The following PLXNA4 variants were observed in gnomAD, a reference collection of about 807,000 sequenced individuals.
PLXNA4 encodes plexin-A4.
PLXNA4 carries 44 observed loss-of-function variants against 191.8 expected under a neutral mutation model. The observed-to-expected ratio is 0.23, with a 90% CI of 0.18 to 0.29. The LOEUF is 0.29. Ranked by LOEUF, PLXNA4 falls within the 10% of genes least tolerant of loss-of-function variation. PLXNA4 has a pLI of 1.00. For missense variants in PLXNA4, 1,800 were observed against 2,488.8 expected, an observed-to-expected ratio of 0.72 and a Z score of 5.89; for synonymous variants, 1,082 against 1,009.5, an observed-to-expected ratio of 1.07 and a Z score of -1.36.
chr7:132,379,218 G>T (rs1391489036), intron 3 of PLXNA4, among the ~76,000 whole-genome samples: 3 of 152,178 alleles, frequency 2.0e-5, no homozygotes, highest in African/African-American at 7.2e-5. Flanking sequence ...AGATATTCAA[G>T]TGGAGGCAGG....
intron 3 of PLXNA4, among the ~76,000 whole-genome samples, chr7:132,396,444 T>C (rs576128381): frequency 3.9e-5 from 6 of 152,164 alleles, no homozygotes; most frequent in Non-Finnish European, 8.8e-5. Flanking sequence ...ATGTCCAAGG[T>C]CGAACAACTG....
intron 4 of PLXNA4, among the ~76,000 whole-genome samples, chr7:132,269,961 C>T (rs540549711): frequency 1.3e-5 from 2 of 152,200 alleles, no homozygotes; most frequent in African/African-American, 2.4e-5. Context: ...CACAAAGAAA[C>T]GTGCTTGAGG....
chr7:132,296,095 C>T (rs933023542), intron 4 of PLXNA4, among the ~76,000 whole-genome samples: 5 of 152,122 alleles, frequency 3.3e-5, no homozygotes, highest in African/African-American at 7.2e-5. Flanking sequence ...AGACCAGTGT[C>T]GGCCCAGGTG....
chr7:132,634,752 C>T (rs871471), intron 2 of PLXNA4, among the ~76,000 whole-genome samples: 70,205 of 152,012 alleles, frequency 0.46, 16,613 homozygotes, highest in African/African-American at 0.54. Flanking sequence ...GTCTGGGACA[C>T]GTGGATGTGC....
chr7:132,203,129 C>T (rs56308169), intron 11 of PLXNA4, among the ~76,000 whole-genome samples, 194 bp downstream of exon 11: 4 of 152,174 alleles, frequency 2.6e-5, no homozygotes, highest in Non-Finnish European at 5.9e-5. Flanking sequence ...AGGTCAAGCT[C>T]TACAGAGCCC....
At chr7:132,165,014 C>G in intron 23 of PLXNA4, 120 bp downstream of exon 23, 2 of 1,415,570 alleles carry the variant, frequency 1.4e-6, no homozygotes, top group Non-Finnish European at 1.9e-6. Context: ...AATTCCATTT[C>G]TTGTGGGGTT....
intron 3 of PLXNA4, among the ~76,000 whole-genome samples, chr7:132,417,547 A>G (rs1794700728): frequency 6.6e-6 from 1 of 152,192 alleles, no homozygotes; most frequent in South Asian, 2.1e-4. Context: ...TTATTTCTGT[A>G]TCTTTTAAAT....
At chr7:132,562,299 C>T (rs1801210572) in intron 1 of PLXNA4, among the ~76,000 whole-genome samples, 4 of 130,512 alleles carry the variant, frequency 3.1e-5, no homozygotes, top group South Asian at 2.8e-4. Context: ...CCTTCTCCTC[C>T]TTCTCCTCTT....
At chr7:132,188,458 G>A (rs765672646) in intron 14 of PLXNA4, among the ~76,000 whole-genome samples, 1 of 152,086 alleles carries the variant, frequency 6.6e-6, no homozygotes, top group African/African-American at 2.4e-5. Context: ...ACCAAAAGTC[G>A]AACCCTCTCA....
At chr7:132,587,811 A>G (rs889606762) in intron 2 of PLXNA4, among the ~76,000 whole-genome samples, 9 of 151,742 alleles carry the variant, frequency 5.9e-5, no homozygotes, top group African/African-American at 1.7e-4. Flanking sequence ...CAGATGCACC[A>G]TCTTCTGCTT....
At chr7:132,182,070 C>T in intron 17 of PLXNA4, 27 bp downstream of exon 17, 1 of 1,614,078 alleles carries the variant, frequency 6.2e-7, no homozygotes. Flanking sequence ...GGGCAGCCTC[C>T]ATGAACCCCA....
intron 4 of PLXNA4, chr7:132,271,417 C>A (rs1466336250): frequency 8.0e-6 from 1 of 124,474 alleles, no homozygotes; most frequent in South Asian, 2.9e-4. Context: ...AAACAAGGAA[C>A]TTTAGTCACT....
intron 3 of PLXNA4, among the ~76,000 whole-genome samples, chr7:132,337,159 C>T (rs1468798377): frequency 6.6e-6 from 1 of 152,248 alleles, no homozygotes; most frequent in Non-Finnish European, 1.5e-5. Flanking sequence ...CTCTTTATTG[C>T]ATTGCCAACA....
intron 1 of PLXNA4, among the ~76,000 whole-genome samples, chr7:132,572,575 G>A (rs1251844978): frequency 6.6e-6 from 1 of 152,102 alleles, no homozygotes; most frequent in Non-Finnish European, 1.5e-5. Flanking sequence ...AACAAGGCCT[G>A]GGCTCTTGTT....
At chr7:132,639,896 G>T (rs1364162541) in intron 2 of PLXNA4, among the ~76,000 whole-genome samples, 1 of 152,180 alleles carries the variant, frequency 6.6e-6, no homozygotes, top group East Asian at 1.9e-4. Context: ...GGAGACTCAA[G>T]CTCCAGCCCC....
Position 132,180,054 on chromosome 7 carries a change from C to T in PLXNA4, c.3640-133G>A. The T allele has an allele frequency of 2.1e-6, 3 of 1,417,906 alleles. No individual in the cohort carries two copies. The South Asian group carries it at 4.3e-5, about 21-fold the overall frequency. The allele number at this position is 1,417,906 out of a possible 1,614,324, so 87.8% of individuals were successfully genotyped here. A position where few individuals can be genotyped will look rare whatever the true frequency, so the allele number is the denominator to read the frequency against. Reference sequence around the variant, plus strand: ...GACCAATCACTGGTGTCAAAATAGACAAGAGGGCATGGGGGGCTGGGAGCG... The same window carrying T: ...GACCAATCACTGGTGTCAAAATAGATAAGAGGGCATGGGGGGCTGGGAGCG... On this transcript the variant is annotated intron_variant, in intron 19 of 31. Transcript: ENST00000321063.
At chr7:132,136,273 C>T (rs1795109781) in intron 30 of PLXNA4, among the ~76,000 whole-genome samples, 1 of 152,182 alleles carries the variant, frequency 6.6e-6, no homozygotes, top group South Asian at 2.1e-4. Context: ...CACAATTAGG[C>T]TCTGTTAAGG....
intron 4 of PLXNA4, among the ~76,000 whole-genome samples, chr7:132,252,299 G>GTTTTTT (rs71178032): frequency 1.9e-4 from 14 of 75,338 alleles, no homozygotes; most frequent in African/African-American, 5.8e-4. Context: ...CATTCTAAAA[G>GTTTTTT]TTTTTTTTTT....
chr7:132,636,985 A>G (rs991426678), intron 2 of PLXNA4, among the ~76,000 whole-genome samples: 1 of 152,146 alleles, frequency 6.6e-6, no homozygotes, highest in Non-Finnish European at 1.5e-5. Flanking sequence ...CCAGGAAGCT[A>G]TTGCCTCAAG....
Sources: gnomAD v4.1 joint callset for allele counts (sites outside exome capture counted in the v4.1 genomes callset) on GRCh38, gnomAD v4.1.1 for gene constraint, MANE v1.5 for transcripts, NCBI Gene and HGNC (gene_info 2026-07-23, HGNC 2026-07-21) for gene names.